The following TMED3 variants were observed in gnomAD, a reference collection of about 807,000 sequenced individuals.
The protein encoded by TMED3 is transmembrane p24 trafficking protein 3, also known as transmembrane emp24 domain-containing protein 3.
Under a neutral mutation model 15.0 loss-of-function variants are expected in TMED3, and 9 were observed. The ratio of observed to expected loss-of-function variants is 0.60; its 90% CI spans 0.36 to 1.04. TMED3 has a LOEUF of 1.04. Ranked by LOEUF, TMED3 falls within the 50% of genes least tolerant of loss-of-function variation. TMED3 has a pLI of 0.01. For synonymous variants in TMED3, 117 were observed against 121.4 expected, an observed-to-expected ratio of 0.96 and a Z score of 0.24; for missense variants, 267 against 278.9, an observed-to-expected ratio of 0.96 and a Z score of 0.30.
intron 2 of TMED3, among the ~76,000 whole-genome samples, chr15:79,366,075 G>C (rs1567033654): frequency 6.6e-6 from 1 of 152,150 alleles, no homozygotes. Flanking sequence ...AACAAAAAGA[G>C]GGTGAGATAA....
intron 2 of TMED3, among the ~76,000 whole-genome samples, chr15:79,339,429 C>T (rs1405959092): frequency 3.3e-5 from 5 of 152,302 alleles, no homozygotes; most frequent in East Asian, 1.9e-4. Flanking sequence ...CTCTCATCTC[C>T]GCACACGGGG....
intron 2 of TMED3, among the ~76,000 whole-genome samples, chr15:79,357,297 C>A (rs540819687): frequency 6.6e-6 from 1 of 151,534 alleles, no homozygotes; most frequent in Admixed American, 6.6e-5. Flanking sequence ...CCAGCCTGGG[C>A]CACATAGTGA....
Position 79,322,676 on chromosome 15 carries a change from C to G in TMED3, c.*462C>G. 1 of 987,476 alleles carries G rather than the reference C, an allele frequency of 1.0e-6. No individual in the cohort carries two copies. Among genetic ancestry groups the G allele is most frequent in the Non-Finnish European group, 1.2e-6 (1 of 831,570 alleles). 61.2% of individuals were successfully genotyped at this position (987,476 alleles called of 1,614,324 possible). On this transcript the variant is annotated 3_prime_UTR_variant, in exon 3 of 3. Coordinates refer to ENST00000299705, the MANE Select transcript of TMED3 (RefSeq NM_007364.4). ...TTGGGGTTCTCTGTACCTGAGGAAA[C>G]CAGGCCCTGGGTGACTTTGCAGATC... is the stretch of plus-strand genomic sequence containing the variant.
exon 3 of TMED3, chr15:79,413,864 A>G (rs1029069968): frequency 6.6e-6 from 1 of 152,198 alleles, no homozygotes; most frequent in African/African-American, 2.4e-5. Flanking sequence ...TTTTAACTTT[A>G]TGCTATTAAA....
At chr15:79,350,811 A>G (rs769281605) in intron 2 of TMED3, among the ~76,000 whole-genome samples, 45 of 152,332 alleles carry the variant, frequency 3.0e-4, no homozygotes, top group Admixed American at 1.2e-3. Flanking sequence ...ATGGCTGGCC[A>G]AAAAGCAAGA....
intron 2 of TMED3, chr15:79,383,026 C>T (rs768173210): frequency 2.0e-6 from 3 of 1,535,346 alleles, no homozygotes; most frequent in Non-Finnish European, 2.6e-6. Flanking sequence ...TGATCACCAT[C>T]TGGGATCTAC....
chr15:79,398,701 C>T (rs1200796575), intron 2 of TMED3, among the ~76,000 whole-genome samples: 1 of 137,930 alleles, frequency 7.3e-6, no homozygotes, highest in East Asian at 1.9e-4. Context: ...TTTACTCAGT[C>T]CACCAATTCA....
intron 2 of TMED3, among the ~76,000 whole-genome samples, chr15:79,319,058 G>A (rs947169329): frequency 6.6e-6 from 1 of 152,340 alleles, no homozygotes; most frequent in South Asian, 2.1e-4. Flanking sequence ...GAGGATAGAG[G>A]ATGTCACTGA....
downstream of TMED3, among the ~76,000 whole-genome samples, chr15:79,323,343 A>T (rs555718661): frequency 2.4e-4 from 36 of 152,232 alleles, no homozygotes; most frequent in African/African-American, 8.2e-4. Flanking sequence ...ACAGGCGTTA[A>T]TGCATTGTAG....
chr15:79,325,283 G>A (rs2058783314), downstream of TMED3, among the ~76,000 whole-genome samples: 1 of 152,150 alleles, frequency 6.6e-6, no homozygotes, highest in South Asian at 2.1e-4. Flanking sequence ...AGCTGGTCTT[G>A]GCTCCAAAGA....
At chr15:79,409,153 A>T (rs965639739) in intron 2 of TMED3, among the ~76,000 whole-genome samples, 2 of 152,014 alleles carry the variant, frequency 1.3e-5, no homozygotes, top group Admixed American at 6.5e-5. Context: ...TTCCAACTGC[A>T]GGATGCATCC....
intron 2 of TMED3, among the ~76,000 whole-genome samples, chr15:79,381,468 C>A (rs1023727857): frequency 1.3e-5 from 2 of 152,164 alleles, no homozygotes; most frequent in African/African-American, 2.4e-5. Flanking sequence ...TCCTCTGGAG[C>A]GGTAAGGAGG....
At chr15:79,381,777 G>A (rs1211193961) in intron 2 of TMED3, among the ~76,000 whole-genome samples, 2 of 152,212 alleles carry the variant, frequency 1.3e-5, no homozygotes, top group Non-Finnish European at 2.9e-5. Flanking sequence ...TGTGTGTCCT[G>A]TGATTGCAAA....
chr15:79,402,850 T>C (rs1360429573), intron 2 of TMED3, among the ~76,000 whole-genome samples: 3 of 151,898 alleles, frequency 2.0e-5, no homozygotes, highest in African/African-American at 7.3e-5. Context: ...GCATAAGAGA[T>C]GTCTGACACT....
Position 79,367,945 on chromosome 15 carries a change from T to C in TMED3, c.418-43455T>C, listed in dbSNP as rs190370773. Among the ~76,000 whole-genome samples the C allele has an allele frequency of 1.1e-3, 160 of 152,306 alleles. 3 individuals are homozygous for C. The highest frequency in any genetic ancestry group is 0.01 in the Admixed American group (157 of 15,296). On this transcript the variant is annotated intron_variant, in intron 2 of 2. Transcript: ENST00000424155. ...TTAGCTCTGTTTGTGAGTATACCTT[T>C]ATCCAGGCCCCTCAGGAAGTAATTT...
chr15:79,311,622 G>C, intron 1 of TMED3, among the ~76,000 whole-genome samples: 1 of 152,202 alleles, frequency 6.6e-6, no homozygotes, highest in East Asian at 1.9e-4. Context: ...AGCCTGGCCA[G>C]CGAGGAGGTA....
At chr15:79,370,597 T>C (rs1313773337) in intron 2 of TMED3, among the ~76,000 whole-genome samples, 1 of 152,210 alleles carries the variant, frequency 6.6e-6, no homozygotes, top group Admixed American at 6.5e-5. Context: ...TGATTGATAA[T>C]GTCTCTTCAT....
At chr15:79,324,187 TTCACCGTGTTAGCCAGGATGG>T (rs1370786927), downstream of TMED3, among the ~76,000 whole-genome samples, 1 of 152,160 alleles carries the variant, frequency 6.6e-6, no homozygotes, top group Non-Finnish European at 1.5e-5. Context: ...GAGACGGGGT[TTCACCGTGTTAGCCAGGATGG>T]TCTCGATCTC....
At chr15:79,317,097 C>T (rs2058743719) in intron 2 of TMED3, among the ~76,000 whole-genome samples, 1 of 152,096 alleles carries the variant, frequency 6.6e-6, no homozygotes, top group Admixed American at 6.5e-5. Flanking sequence ...TGTTAGTTGC[C>T]AAGAAAGCTG....
Sources: allele counts gnomAD v4.1 joint callset (sites outside exome capture counted in the v4.1 genomes callset), GRCh38; gene constraint gnomAD v4.1.1; transcripts MANE v1.5; gene names NCBI Gene and HGNC (gene_info 2026-07-23, HGNC 2026-07-21).